Variants in NT5C2 observed in about 807,000 individuals in gnomAD.
The protein encoded by NT5C2 is 5'-nucleotidase, cytosolic II, also known as cytosolic purine 5'-nucleotidase.
In NT5C2, 58 loss-of-function variants were observed where a neutral mutation model predicts 76.1. The observed-to-expected ratio is 0.76, with a 90% CI of 0.62 to 0.95. The LOEUF (loss-of-function observed/expected upper bound fraction) is 0.95. NT5C2 is among the 40% of genes least tolerant of loss of function. The probability of loss-of-function intolerance (pLI) is 0.00; values close to 1 mark genes in which losing one functional copy is unlikely to be tolerated. For missense variants in NT5C2, 478 were observed against 690.3 expected, an observed-to-expected ratio of 0.69 and a Z score of 3.45; for synonymous variants, 229 against 237.4, an observed-to-expected ratio of 0.96 and a Z score of 0.32.
At chr10:103,144,387 A>G (rs924347422) in intron 3 of NT5C2, among the ~76,000 whole-genome samples, 1 of 152,238 alleles carries the variant, frequency 6.6e-6, no homozygotes, top group African/African-American at 2.4e-5. Context: ...AGCTTCAAGC[A>G]CAGCTAACAT....
intron 1 of NT5C2, among the ~76,000 whole-genome samples, chr10:103,185,009 A>C (rs1369667678): frequency 8.1e-6 from 1 of 122,722 alleles, no homozygotes; most frequent in Non-Finnish European, 1.8e-5. Context: ...TACAAAAAAG[A>C]CTAATTTTGC....
intron 16 of NT5C2, 105 bp downstream of exon 16, chr10:103,091,459 C>T: frequency 1.2e-6 from 1 of 860,094 alleles, no homozygotes; most frequent in Non-Finnish European, 1.9e-6. Flanking sequence ...GATTCTCCTG[C>T]CTCAGCCTCC....
intron 3 of NT5C2, among the ~76,000 whole-genome samples, chr10:103,151,903 A>G (rs1291509759): frequency 6.6e-6 from 1 of 152,138 alleles, no homozygotes; most frequent in African/African-American, 2.4e-5. Flanking sequence ...CAGTACAGAC[A>G]TTGCTCCAGA....
chr10:103,111,096 A>G (rs541029243), intron 4 of NT5C2, among the ~76,000 whole-genome samples: 3 of 152,354 alleles, frequency 2.0e-5, no homozygotes, highest in East Asian at 3.9e-4. Context: ...CAAAGGCTCT[A>G]ATTTCAATTT....
intron 3 of NT5C2, among the ~76,000 whole-genome samples, chr10:103,154,359 A>C (rs1447099196): frequency 2.0e-5 from 3 of 152,180 alleles, no homozygotes; most frequent in Admixed American, 6.5e-5. Flanking sequence ...AATAGTTACT[A>C]AGTAATTAAA....
At chr10:103,093,343 C>A (rs1299610686) in intron 14 of NT5C2, 34 bp from the exon 15 acceptor site, 1 of 1,492,358 alleles carries the variant, frequency 6.7e-7, no homozygotes, top group South Asian at 1.4e-5. Flanking sequence ...AGAAAACTGT[C>A]CCTATATTAA....
At chr10:103,128,441 C>G (rs1000741931) in intron 4 of NT5C2, among the ~76,000 whole-genome samples, 7 of 120,656 alleles carry the variant, frequency 5.8e-5, no homozygotes, top group African/African-American at 1.9e-4. Flanking sequence ...AGCCGCCTGC[C>G]TTGGCCTCCC....
chr10:103,189,997 C>CTTTTT (rs1239145078), intron 1 of NT5C2, among the ~76,000 whole-genome samples: 141 of 107,960 alleles, frequency 1.3e-3, no homozygotes, highest in African/African-American at 2.1e-3. Flanking sequence ...TTGTGGCTTT[C>CTTTTT]TTTTTTTTTT....
chr10:103,120,866 T>C (rs1242732435), intron 4 of NT5C2, among the ~76,000 whole-genome samples: 2 of 152,186 alleles, frequency 1.3e-5, no homozygotes, highest in Non-Finnish European at 2.9e-5. Context: ...CAGCAGCCTA[T>C]TCATAATAGC....
At chr10:103,192,611 T>C (rs2092719778) in intron 1 of NT5C2, among the ~76,000 whole-genome samples, 1 of 152,220 alleles carries the variant, frequency 6.6e-6, no homozygotes, top group Non-Finnish European at 1.5e-5. Context: ...CAATTCGCTG[T>C]GACCTTTCCA....
intron 4 of NT5C2, among the ~76,000 whole-genome samples, chr10:103,123,968 A>G (rs2076199559): frequency 6.6e-6 from 1 of 152,224 alleles, no homozygotes; most frequent in Non-Finnish European, 1.5e-5. Flanking sequence ...GCTTAAATAA[A>G]TATTAACAAC....
intron 1 of NT5C2, among the ~76,000 whole-genome samples, chr10:103,189,610 A>T (rs2135517112): frequency 6.6e-6 from 1 of 151,994 alleles, no homozygotes; most frequent in East Asian, 1.9e-4. Flanking sequence ...ATCTCAAAAA[A>T]AAAAACGAAA....
chr10:103,093,266 T>C lies in NT5C2; in HGVS notation c.1032A>G (p.Lys344=), dbSNP rs562174623. Residue 344 remains lysine (K), a synonymous_variant, in exon 15 of 19, where the codon AAA becomes AAG. Transcript: ENST00000404739. ...TICDLLGAKG[K]DILYIGDHIF... ...TGTGATCTCCAATATACAAAATGTC[T>C]TTTCCCTTGGCTCCCAACAGGTCAC... 3.2e-5 allele frequency: 52 copies of C among 1,609,022 alleles called. No homozygotes were observed. The highest frequency in any genetic ancestry group is 4.2e-5 in the Non-Finnish European group (50 of 1,177,858).
At chr10:103,178,833 CAAA>C (rs551425186) in intron 2 of NT5C2, among the ~76,000 whole-genome samples, 6 of 96,816 alleles carry the variant, frequency 6.2e-5, no homozygotes, top group African/African-American at 8.0e-5. Context: ...AAGACTGTCT[CAAA>C]AAAAAAAAAA....
chr10:103,184,342 G>A (rs1239384363), intron 1 of NT5C2, among the ~76,000 whole-genome samples: 2 of 152,004 alleles, frequency 1.3e-5, no homozygotes, highest in Non-Finnish European at 2.9e-5. Context: ...TCCTGTCAAA[G>A]GCCAACACTC....
chr10:103,089,987 G>A lies in NT5C2; in HGVS notation c.1450-79C>T. ...CCCCAAATCCTAACCCCTCTCCTCT[G>A]TTAGGTGGCCATGCAATTACATCTA... On this transcript the variant is annotated intron_variant, in intron 18 of 18. Transcript: ENST00000404739. The A allele has an allele frequency of 1.7e-6, 2 of 1,159,220 alleles. No individual in the cohort carries two copies. Among genetic ancestry groups the A allele is most frequent in the South Asian group, 3.2e-5 (2 of 62,814 alleles). The allele number at this position is 1,159,220 out of a possible 1,614,324, so 71.8% of individuals were successfully genotyped here.
chr10:103,175,981 C>A, intron 2 of NT5C2: 1 of 166,580 alleles, frequency 6.0e-6, no homozygotes. Context: ...CCAGGAGCCC[C>A]AAGCCAAGGG....
At chr10:103,105,412 A>T in intron 6 of NT5C2, 1 of 868,886 alleles carries the variant, frequency 1.2e-6, no homozygotes, top group Non-Finnish European at 1.6e-6. Context: ...TAAAAATCTT[A>T]GAATTTCAAA....
chr10:103,148,588 A>G (rs2081905713), intron 3 of NT5C2, among the ~76,000 whole-genome samples: 1 of 146,780 alleles, frequency 6.8e-6, no homozygotes, highest in Non-Finnish European at 1.5e-5. Context: ...TGGGCAACAG[A>G]GTGAGACTCC....
Sources: gnomAD v4.1 joint callset for allele counts (sites outside exome capture counted in the v4.1 genomes callset) on GRCh38, gnomAD v4.1.1 for gene constraint, MANE v1.5 for transcripts, NCBI Gene and HGNC (gene_info 2026-07-23, HGNC 2026-07-21) for gene names.